Variants in SYT10 observed in about 807,000 individuals in gnomAD.
SYT10 encodes synaptotagmin-10.
A neutral mutation model predicts 51.1 loss-of-function variants in SYT10; 31 were observed. The ratio of observed to expected loss-of-function variants is 0.61; its 90% CI spans 0.46 to 0.82. The LOEUF (loss-of-function observed/expected upper bound fraction) is 0.82, where lower values mean the gene tolerates loss of function less well. Ranked by LOEUF, SYT10 falls within the 40% of genes least tolerant of loss-of-function variation. The probability of loss-of-function intolerance (pLI) is 0.00; values close to 1 mark genes in which losing one functional copy is unlikely to be tolerated. For missense variants in SYT10, 603 were observed against 634.0 expected, an observed-to-expected ratio of 0.95 and a Z score of 0.53; for synonymous variants, 233 against 225.9, an observed-to-expected ratio of 1.03 and a Z score of -0.28.
At chr12:33,409,523 T>C (rs113595148) in intron 2 of SYT10, among the ~76,000 whole-genome samples, 2 of 151,464 alleles carry the variant, frequency 1.3e-5, no homozygotes, top group Non-Finnish European at 2.9e-5. Flanking sequence ...CTTTTCTTTT[T>C]TTTTTTTTGA....
intron 3 of SYT10, among the ~76,000 whole-genome samples, chr12:33,396,771 C>T (rs546701658): frequency 2.2e-4 from 33 of 151,986 alleles, no homozygotes; most frequent in Middle Eastern, 3.4e-3. Context: ...GCAACCTCCA[C>T]CTCCTGGGTT....
chr12:33,416,447 A>G (rs568211279), intron 2 of SYT10, among the ~76,000 whole-genome samples: 1 of 152,106 alleles, frequency 6.6e-6, no homozygotes, highest in Non-Finnish European at 1.5e-5. Flanking sequence ...TCACACTTCC[A>G]TTACCACTTA....
chr12:33,390,434 C>A (rs148664679), intron 3 of SYT10, among the ~76,000 whole-genome samples: 26 of 152,188 alleles, frequency 1.7e-4, no homozygotes, highest in African/African-American at 6.3e-4. Context: ...GGTGGACACG[C>A]AGGATATACA....
rs1866052954 is a variant in SYT10 at position 33,375,275 on chromosome 12, T to TGAC, written c.*1554_*1555insGTC. 6.6e-6 allele frequency: 1 copy of TGAC among 152,090 alleles called. No individual in the cohort carries two copies. The highest frequency in any genetic ancestry group is 2.4e-5 in the African/African-American group (1 of 41,442). 9.4% of individuals were successfully genotyped at this position (152,090 alleles called of 1,614,324 possible). On this transcript the variant is annotated 3_prime_UTR_variant, in exon 7 of 7. Transcript: ENST00000228567. ...TCTTAATTAACAGTAATGCCATCAC[T>TGAC]ATAAGAGATGTCAACAAAATTTCAA...
rs1273829037 is a variant in SYT10, at chr12:33,374,300, G to A, written c.*2530C>T. 1 of 151,718 alleles carries A rather than the reference G, an allele frequency of 6.6e-6. No homozygotes were observed. The highest frequency in any genetic ancestry group is 2.4e-5 in the African/African-American group (1 of 41,430). The allele number at this position is 151,718 out of a possible 1,614,324, so 9.4% of individuals were successfully genotyped here. A position where few individuals can be genotyped will look rare whatever the true frequency, so the allele number is the denominator to read the frequency against. ...CCTGAAGAAGTCCCTGAAATTAGAT[G>A]TTCATTATATACCTGAACTGCAGCT... On this transcript the variant is annotated 3_prime_UTR_variant, in exon 7 of 7. Coordinates refer to ENST00000228567, the MANE Select transcript of SYT10 (RefSeq NM_198992.4).
At chr12:33,432,554 C>T (rs1338843535) in intron 1 of SYT10, 1 of 152,016 alleles carries the variant, frequency 6.6e-6, no homozygotes, top group African/African-American at 2.4e-5. Flanking sequence ...TTCTCAGGTA[C>T]ATTAACAGCT....
rs537025195 is a variant in SYT10, at chr12:33,396,233, G to T, written c.1077+10556C>A. On this transcript the variant is annotated intron_variant, in intron 3 of 6. Coordinates refer to ENST00000228567, the MANE Select transcript of SYT10 (RefSeq NM_198992.4). ...AACAAGATCTCAGGTCATGATTTAA[G>T]ATATTGATTTTATTTATATACAATT... is the stretch of plus-strand genomic sequence containing the variant. Among the ~76,000 whole-genome samples the T allele has an allele frequency of 3.5e-4, 54 of 152,228 alleles. 1 individual carries two copies. The highest frequency in any genetic ancestry group is 1.3e-3 in the African/African-American group (52 of 41,552).
intron 3 of SYT10, among the ~76,000 whole-genome samples, chr12:33,398,744 TA>T (rs1866278693): frequency 6.6e-6 from 1 of 152,162 alleles, no homozygotes; most frequent in Non-Finnish European, 1.5e-5. Flanking sequence ...CCATAAAATA[TA>T]TCCTATGGCA....
In SYT10 at chr12:33,375,506, A is replaced by T. The variant is rs529957201; in HGVS notation, c.*1324T>A. The T allele has an allele frequency of 2.4e-4, 36 of 152,162 alleles. No individual in the cohort carries two copies. The highest frequency in any genetic ancestry group is 9.8e-4 in the Admixed American group (15 of 15,270). The allele number at this position is 152,162 out of a possible 1,614,324, so 9.4% of individuals were successfully genotyped here. A position where few individuals can be genotyped will look rare whatever the true frequency, so the allele number is the denominator to read the frequency against. On this transcript the variant is annotated 3_prime_UTR_variant, in exon 7 of 7. Transcript: ENST00000228567. Reference sequence around the variant, plus strand: ...CTTAAAAGTAAGGTTGGGGTAATTCAGTATAGATACCTTCCAACAGGGCCT... The same window carrying T: ...CTTAAAAGTAAGGTTGGGGTAATTCTGTATAGATACCTTCCAACAGGGCCT...
At chr12:33,416,056 C>T (rs934678751) in intron 2 of SYT10, among the ~76,000 whole-genome samples, 3 of 135,638 alleles carry the variant, frequency 2.2e-5, no homozygotes, top group Non-Finnish European at 4.9e-5. Flanking sequence ...TCCTCTTGAC[C>T]CCCATTACCA....
intron 3 of SYT10, among the ~76,000 whole-genome samples, chr12:33,393,602 A>G (rs912165424): frequency 3.9e-5 from 6 of 152,172 alleles, no homozygotes; most frequent in Admixed American, 3.9e-4. Flanking sequence ...TAATAGCCAC[A>G]GATCTTATTG....
chr12:33,404,026 CATTTT>C (rs1196517941), intron 3 of SYT10, among the ~76,000 whole-genome samples: 1 of 152,162 alleles, frequency 6.6e-6, no homozygotes, highest in Admixed American at 6.5e-5. Context: ...TCTAAGAATA[CATTTT>C]ATTTTCTGCC....
At chr12:33,409,509 ATTTCT>A (rs565121770) in intron 2 of SYT10, among the ~76,000 whole-genome samples, 8 of 137,818 alleles carry the variant, frequency 5.8e-5, no homozygotes, top group Non-Finnish European at 1.1e-4. Flanking sequence ...GAGAACATTG[ATTTCT>A]TTTCTTTTTT....
In SYT10 at chr12:33,439,441, G is replaced by C. The variant is rs1866666190; in HGVS notation, c.82C>G (p.Gln28Glu). ...HIVTELCFAG[Q>E]VEWEKCSGIF... ...CCCGAGCACTTCTCCCACTCCACCTGGCCGGCGAAGCACAGCTCGGTGACG... is the reference window on the plus strand; with the variant it reads ...CCCGAGCACTTCTCCCACTCCACCTCGCCGGCGAAGCACAGCTCGGTGACG... The change falls in exon 1 of 7, where the codon CAG becomes GAG. Residue 28 changes from glutamine (Q) to glutamate (E), a missense_variant. By Grantham distance (29) the Gln-to-Glu change is conservative. Transcript: ENST00000228567. 6.2e-7 allele frequency: 1 copy of C among 1,614,116 alleles called. No individual in the cohort carries two copies. Among genetic ancestry groups the C allele is most frequent in the African/African-American group, 1.3e-5 (1 of 74,960 alleles).
At chr12:33,427,158 G>C (rs1228646803) in intron 1 of SYT10, among the ~76,000 whole-genome samples, 1 of 151,992 alleles carries the variant, frequency 6.6e-6, no homozygotes, top group Non-Finnish European at 1.5e-5. Context: ...AATCCCCAAG[G>C]CCATGGTATT....
Position 33,407,368 on chromosome 12 carries a change from C to T in SYT10, c.510-12G>A. 1 of 1,596,236 alleles carries T rather than the reference C, an allele frequency of 6.3e-7. No individual in the cohort carries two copies. The highest frequency in any genetic ancestry group is 8.5e-7 in the Non-Finnish European group (1 of 1,177,676). ...GGAAGGAACTGTGGCTGAACACACA[C>T]ACATATACACAAAATCATTGAGGGA... On this transcript the variant is annotated splice_polypyrimidine_tract_variant and intron_variant, in intron 2 of 6. Transcript: ENST00000228567.
At chr12:33,413,655 G>C (rs1475580730) in intron 2 of SYT10, among the ~76,000 whole-genome samples, 1 of 152,090 alleles carries the variant, frequency 6.6e-6, no homozygotes, top group East Asian at 1.9e-4. Flanking sequence ...TCACCACCAG[G>C]CCTGTCCTAA....
intron 2 of SYT10, among the ~76,000 whole-genome samples, chr12:33,418,918 A>G (rs576598647): frequency 1.6e-4 from 24 of 152,154 alleles, no homozygotes; most frequent in African/African-American, 4.3e-4. Flanking sequence ...AAAACCCTCT[A>G]GTGGCTTCCC....
At chr12:33,395,731 A>T (rs993014979) in intron 3 of SYT10, among the ~76,000 whole-genome samples, 2 of 152,234 alleles carry the variant, frequency 1.3e-5, no homozygotes, top group African/African-American at 2.4e-5. Flanking sequence ...TGACAGGATT[A>T]TAAGTTTTAA....
Sources: allele counts gnomAD v4.1 joint callset (sites outside exome capture counted in the v4.1 genomes callset), GRCh38; gene constraint gnomAD v4.1.1; transcripts MANE v1.5; gene names NCBI Gene and HGNC (gene_info 2026-07-23, HGNC 2026-07-21).